Variants in CUX2 observed in about 807,000 individuals in gnomAD.
CUX2 encodes cut like homeobox 2, also known as homeobox protein cut-like 2.
In CUX2, 40 loss-of-function variants were observed where a neutral mutation model predicts 144.8. The ratio of observed to expected loss-of-function variants is 0.28; its 90% CI spans 0.21 to 0.36. CUX2 has a LOEUF of 0.36. Ranked by LOEUF, CUX2 falls within the 10% of genes least tolerant of loss-of-function variation. The pLI is 1.00. For missense variants in CUX2, 1,615 were observed against 1,994.0 expected, an observed-to-expected ratio of 0.81 and a Z score of 3.62; for synonymous variants, 827 against 875.6, an observed-to-expected ratio of 0.94 and a Z score of 0.98.
chr12:111,254,714 C>T (rs2136279528), intron 3 of CUX2, among the ~76,000 whole-genome samples: 1 of 152,292 alleles, frequency 6.6e-6, no homozygotes, highest in Non-Finnish European at 1.5e-5. Context: ...GAATTAGTGA[C>T]TTACCCCTAA....
At chr12:111,300,804 G>A (rs572305341) in intron 9 of CUX2, among the ~76,000 whole-genome samples, 17 of 152,142 alleles carry the variant, frequency 1.1e-4, no homozygotes, top group Non-Finnish European at 1.6e-4. Context: ...CTGGGAGGCC[G>A]AGGTGGGATG....
In CUX2 at chr12:111,293,974, T is replaced by A. The variant is rs1885828499; in HGVS notation, c.560+405T>A. Among the ~76,000 whole-genome samples, 2 of 152,242 alleles carry A rather than the reference T, an allele frequency of 1.3e-5. No homozygotes were observed. Among genetic ancestry groups the A allele is most frequent in the Non-Finnish European group, 2.9e-5 (2 of 68,042 alleles). ...AGAGCAGGAGTTGGTGCTGCAATCT[T>A]TTTAAATTTTATTTTACAATAATTA... is the stretch of plus-strand genomic sequence containing the variant. On this transcript the variant is annotated intron_variant, in intron 6 of 21. Transcript: ENST00000261726. This position sits in a 1 kb window ranked among gnomAD's most constrained non-coding sequence, Gnocchi z 4.5.
intron 1 of CUX2, among the ~76,000 whole-genome samples, chr12:111,097,897 T>G (rs1200327563): frequency 6.6e-6 from 1 of 151,992 alleles, no homozygotes; most frequent in Non-Finnish European, 1.5e-5. Context: ...TTGGAGTGGT[T>G]GGTGGGTGTC....
intron 1 of CUX2, among the ~76,000 whole-genome samples, chr12:111,128,200 GGACTGGCCA>G (rs1235551717): frequency 5.3e-5 from 8 of 152,194 alleles, no homozygotes; most frequent in African/African-American, 1.9e-4. Context: ...TAGAATTGCA[GGACTGGCCA>G]TTTCTCCTTC....
At chr12:111,224,979 C>G (rs1368104268) in intron 3 of CUX2, among the ~76,000 whole-genome samples, 1 of 152,130 alleles carries the variant, frequency 6.6e-6, no homozygotes, top group African/African-American at 2.4e-5. Flanking sequence ...ATTCGCAGCT[C>G]ACTGCAACCT....
intron 1 of CUX2, among the ~76,000 whole-genome samples, chr12:111,175,021 TCC>T (rs962262433): frequency 6.6e-6 from 1 of 151,564 alleles, no homozygotes; most frequent in Non-Finnish European, 1.5e-5. Flanking sequence ...TGGAAGCAGC[TCC>T]CCCCCACACA....
At chr12:111,298,730 G>C in intron 9 of CUX2, 141 bp downstream of exon 9, 1 of 955,890 alleles carries the variant, frequency 1.0e-6, no homozygotes, top group South Asian at 1.6e-5. Flanking sequence ...AAGTGAGGGA[G>C]CCAGGAGGAG....
At position 111,186,528 on chromosome 12, in the gene CUX2, G is replaced by T. The variant is rs1879539642; in HGVS notation, c.64-27672G>T. On this transcript the variant is annotated intron_variant, in intron 1 of 21. Coordinates refer to ENST00000261726, the MANE Select transcript of CUX2 (RefSeq NM_015267.4). This position sits in a 1 kb window ranked among gnomAD's most constrained non-coding sequence, Gnocchi z 4.4. ...GGAAGAGGGAACTGAGCACATTCTG[G>T]CCACACCCGGCCACCAGGACCCATG... is the stretch of plus-strand genomic sequence containing the variant. Among the ~76,000 whole-genome samples, 1 of 152,150 alleles carries T rather than the reference G, an allele frequency of 6.6e-6. No individual in the cohort carries two copies. Among genetic ancestry groups the T allele is most frequent in the African/African-American group, 2.4e-5 (1 of 41,438 alleles).
intron 4 of CUX2, among the ~76,000 whole-genome samples, chr12:111,283,703 G>A (rs1049367665): frequency 3.3e-5 from 5 of 152,124 alleles, no homozygotes; most frequent in Admixed American, 2.0e-4. Flanking sequence ...CTCTAAGCGT[G>A]TCTTTGGGGA....
intron 10 of CUX2, among the ~76,000 whole-genome samples, chr12:111,306,544 A>G (rs1242087265): frequency 1.3e-5 from 2 of 152,078 alleles, no homozygotes; most frequent in Non-Finnish European, 2.9e-5. Flanking sequence ...TGTCAAGTCT[A>G]ATCCTGAGGG....
intron 18 of CUX2, among the ~76,000 whole-genome samples, chr12:111,323,010 A>G (rs4766504): frequency 0.38 from 58,021 of 152,154 alleles, 15,804 homozygotes; most frequent in East Asian, 0.85. Flanking sequence ...TGCCCATGAT[A>G]GCACGAGCAG....
intron 1 of CUX2, among the ~76,000 whole-genome samples, chr12:111,137,132 C>T (rs12314702): frequency 0.014 from 2,132 of 150,816 alleles, 68 homozygotes; most frequent in African/African-American, 0.049. Flanking sequence ...GTAGAGATGG[C>T]CATCTTGGCC....
intron 18 of CUX2, among the ~76,000 whole-genome samples, chr12:111,330,740 T>TATATAC (rs1888085963): frequency 1.6e-5 from 1 of 62,210 alleles, no homozygotes; most frequent in African/African-American, 5.7e-5. Flanking sequence ...TATATATATA[T>TATATAC]ATATATATAT....
intron 16 of CUX2, among the ~76,000 whole-genome samples, chr12:111,318,238 C>CTTTTTTTTTT (rs955839240): frequency 2.7e-5 from 3 of 109,648 alleles, no homozygotes; most frequent in African/African-American, 9.5e-5. Flanking sequence ...ATTTTTTTTT[C>CTTTTTTTTTT]TTTTTTCTTT....
chr12:111,155,686 C>T (rs892263238), intron 1 of CUX2, among the ~76,000 whole-genome samples: 1 of 152,122 alleles, frequency 6.6e-6, no homozygotes, highest in South Asian at 2.1e-4. Context: ...TTCACTAAAC[C>T]GCACACACCA....
intron 3 of CUX2, among the ~76,000 whole-genome samples, chr12:111,254,906 G>C (rs1405164872): frequency 6.6e-6 from 1 of 152,188 alleles, no homozygotes; most frequent in Non-Finnish European, 1.5e-5. Flanking sequence ...CTGGAGTGCA[G>C]TGGCACGATC....
chr12:111,163,027 C>G (rs928099836), intron 1 of CUX2, among the ~76,000 whole-genome samples: 8 of 143,652 alleles, frequency 5.6e-5, no homozygotes, highest in Non-Finnish European at 7.5e-5. Flanking sequence ...GCCTGGGTAA[C>G]AGAGCAAGAC....
chr12:111,298,453 G>C, intron 8 of CUX2, 88 bp from the exon 9 acceptor site: 1 of 1,392,028 alleles, frequency 7.2e-7, no homozygotes, highest in Non-Finnish European at 9.9e-7. Flanking sequence ...CCTCCCCTGG[G>C]CTCAGGCAGG....
At chr12:111,099,293 G>A (rs886499553) in intron 1 of CUX2, among the ~76,000 whole-genome samples, 4 of 152,242 alleles carry the variant, frequency 2.6e-5, no homozygotes, top group African/African-American at 9.6e-5. Context: ...AGAGTGCCTG[G>A]GACCTCCGGG....
Sources: gnomAD v4.1 joint callset for allele counts (sites outside exome capture counted in the v4.1 genomes callset) on GRCh38, gnomAD v4.1.1 for gene constraint, Gnocchi (gnomAD v3.1) non-coding constraint, MANE v1.5 for transcripts, NCBI Gene and HGNC (gene_info 2026-07-23, HGNC 2026-07-21) for gene names.